The following NGF variants were observed in gnomAD, a reference collection of about 807,000 sequenced individuals.
NGF encodes the protein nerve growth factor.
Under a neutral mutation model 12.8 loss-of-function variants are expected in NGF, and 4 were observed. The ratio of observed to expected loss-of-function variants is 0.31; its 90% CI spans 0.15 to 0.72. The LOEUF is 0.72. Ranked by LOEUF, NGF falls within the 30% of genes least tolerant of loss-of-function variation. NGF has a pLI of 0.69. For synonymous variants in NGF, 140 were observed against 130.0 expected (o/e 1.08, Z -0.52); for missense variants, 283 against 330.8 (o/e 0.86, Z 1.12).
intron 1 of NGF, among the ~76,000 whole-genome samples, chr1:115,300,456 C>T (rs1385497498): frequency 2.0e-5 from 3 of 152,168 alleles, no homozygotes; most frequent in Non-Finnish European, 4.4e-5. Flanking sequence ...TTCAGTTTCA[C>T]TGCAAAAATT....
intron 1 of NGF, among the ~76,000 whole-genome samples, chr1:115,337,117 C>T (rs1158504960): frequency 6.6e-6 from 1 of 152,020 alleles, no homozygotes; most frequent in African/African-American, 2.4e-5. Flanking sequence ...AATTATCCTT[C>T]GAACTGTTAC....
At chr1:115,295,558 A>G (rs1653841857) in intron 1 of NGF, among the ~76,000 whole-genome samples, 1 of 152,104 alleles carries the variant, frequency 6.6e-6, no homozygotes, top group African/African-American at 2.4e-5. Context: ...TAAACCCTTC[A>G]TCTGGGTGTT....
Position 115,337,280 on chromosome 1 carries a change from T to G in NGF, c.-137+924A>C, listed in dbSNP as rs913054009. ...TGTTTTGTTTTTGTTTTTTTTTTTT[T>G]TTTTTTTTTTTTTTTTTTTTTTTTT... On this transcript the variant is annotated intron_variant, in intron 1 of 2. Coordinates refer to ENST00000369512, the MANE Select transcript of NGF (RefSeq NM_002506.3). Among the ~76,000 whole-genome samples, 249 of 78,866 alleles carry G rather than the reference T, an allele frequency of 3.2e-3. 9 individuals are homozygous for G. The highest frequency in any genetic ancestry group is 0.01 in the East Asian group (21 of 2,006). The allele number at this position is 78,866 out of a possible 152,430, so 51.7% of individuals were successfully genotyped here.
At chr1:115,337,261 G>GTTTTTTTTTTTTTTTTTTTT (rs368973980) in intron 1 of NGF, among the ~76,000 whole-genome samples, 2 of 11,758 alleles carry the variant, frequency 1.7e-4, no homozygotes, top group Admixed American at 1.0e-3. Flanking sequence ...TTTTTGTTTT[G>GTTTTTTTTTTTTTTTTTTTT]TTTTTGTTTT....
At chr1:115,333,660 T>TCTTC (rs1491142688) in intron 1 of NGF, among the ~76,000 whole-genome samples, 1 of 9,748 alleles carries the variant, frequency 1.0e-4, no homozygotes, top group East Asian at 2.4e-3. Flanking sequence ...TCTTTCTCTT[T>TCTTC]CTTTCTTTCT....
At chr1:115,325,121 A>T (rs17033685) in intron 1 of NGF, among the ~76,000 whole-genome samples, 14,221 of 152,234 alleles carry the variant, frequency 0.093, 794 homozygotes, top group East Asian at 0.25. Flanking sequence ...AAAAATGTCG[A>T]TCAGAAGCTA....
intron 1 of NGF, among the ~76,000 whole-genome samples, chr1:115,314,952 C>T (rs912550289): frequency 6.6e-6 from 1 of 152,178 alleles, no homozygotes; most frequent in African/African-American, 2.4e-5. Flanking sequence ...TCTGATGAGG[C>T]AATGTTTACA....
intron 1 of NGF, among the ~76,000 whole-genome samples, chr1:115,324,379 T>G (rs1288932699): frequency 2.0e-5 from 3 of 152,170 alleles, no homozygotes; most frequent in African/African-American, 7.2e-5. Flanking sequence ...TTCCAGTTCA[T>G]AGCTTCCTCA....
chr1:115,323,305 A>G (rs960135909), intron 1 of NGF, among the ~76,000 whole-genome samples: 1 of 152,178 alleles, frequency 6.6e-6, no homozygotes. Context: ...TCATGCTTCA[A>G]TGGAGCAGAA....
chr1:115,321,549 T>A (rs1355482122), intron 1 of NGF, among the ~76,000 whole-genome samples: 1 of 151,156 alleles, frequency 6.6e-6, no homozygotes. Flanking sequence ...CAGAAATGGC[T>A]CCACTTTTGC....
intron 1 of NGF, among the ~76,000 whole-genome samples, chr1:115,326,314 G>A (rs181249736): frequency 3.3e-5 from 5 of 152,256 alleles, no homozygotes; most frequent in African/African-American, 1.2e-4. Context: ...TCAGGCATTC[G>A]TTTGTGTTCA....
chr1:115,330,811 T>C (rs1654900964), intron 1 of NGF, among the ~76,000 whole-genome samples: 1 of 152,220 alleles, frequency 6.6e-6, no homozygotes, highest in Non-Finnish European at 1.5e-5. Context: ...TACGAATTTT[T>C]TTTATTCCTA....
chr1:115,305,111 GTTAA>G (rs909271655), intron 1 of NGF, among the ~76,000 whole-genome samples: 10 of 152,274 alleles, frequency 6.6e-5, no homozygotes, highest in East Asian at 1.9e-4. Flanking sequence ...GTTAAAATAT[GTTAA>G]TTAGTCCATT....
chr1:115,311,913 C>A (rs1431360087), intron 1 of NGF, among the ~76,000 whole-genome samples: 6 of 152,150 alleles, frequency 3.9e-5, no homozygotes, highest in Non-Finnish European at 5.9e-5. Context: ...TAACAACTCC[C>A]CAAGTGTTAC....
intron 1 of NGF, among the ~76,000 whole-genome samples, chr1:115,304,849 C>A (rs1435650147): frequency 1.3e-5 from 2 of 152,108 alleles, no homozygotes; most frequent in African/African-American, 4.8e-5. Flanking sequence ...GAGGAGGAGG[C>A]CTAGACAGCT....
Position 115,286,384 on chromosome 1 carries a change from T to C in NGF, c.412A>G (p.Ser138Gly), listed in dbSNP as rs2101018808. ...TTATCCCCAACCCACACGCTGACACTGTCACACACCGAGAATTCGCCCCTG... is the reference window on the plus strand; with the variant it reads ...TTATCCCCAACCCACACGCTGACACCGTCACACACCGAGAATTCGCCCCTG... The part of the protein sequence containing the change: ...FHRGEFSVCD[S>G]VSVWVGDKTT... The change falls in exon 3 of 3, where the codon AGT becomes GGT. Residue 138 changes from serine to glycine, a missense_variant. Transcript: ENST00000369512. 3 of 1,613,976 alleles carry C rather than the reference T, an allele frequency of 1.9e-6. No individual in the cohort carries two copies. Among genetic ancestry groups the C allele is most frequent in the Non-Finnish European group, 2.5e-6 (3 of 1,180,002 alleles).
chr1:115,326,261 A>G (rs72628780), intron 1 of NGF, among the ~76,000 whole-genome samples: 1 of 152,144 alleles, frequency 6.6e-6, no homozygotes, highest in South Asian at 2.1e-4. Context: ...GTGTCCTGGC[A>G]CTGTTGTTAC....
At chr1:115,296,471 C>T (rs1653873275) in intron 1 of NGF, among the ~76,000 whole-genome samples, 3 of 152,210 alleles carry the variant, frequency 2.0e-5, no homozygotes, top group African/African-American at 7.2e-5. Flanking sequence ...AAAAATTCCA[C>T]AATTCCTAGG....
intron 1 of NGF, among the ~76,000 whole-genome samples, chr1:115,323,115 A>G (rs768436167): frequency 2.6e-5 from 4 of 152,184 alleles, no homozygotes; most frequent in Admixed American, 6.5e-5. Flanking sequence ...TGAAAGTCAC[A>G]TTGCTAGCAA....
Sources: gnomAD v4.1 joint callset for allele counts (sites outside exome capture counted in the v4.1 genomes callset) on GRCh38, gnomAD v4.1.1 for gene constraint, MANE v1.5 for transcripts, NCBI Gene and HGNC (gene_info 2026-07-23, HGNC 2026-07-21) for gene names.